Variants in AVEN observed in about 807,000 individuals in gnomAD.
AVEN encodes apoptosis and caspase activation inhibitor.
AVEN carries 41 observed loss-of-function variants against 38.1 expected under a neutral mutation model. The observed-to-expected ratio is 1.08, with a 90% CI of 0.84 to 1.40. The LOEUF is 1.40. Ranked by LOEUF, AVEN falls within the 40% of genes most tolerant of loss-of-function variation. The pLI, the probability that AVEN is intolerant of heterozygous loss-of-function variation, is 0.00. For synonymous variants in AVEN, 206 were observed against 171.8 expected, an observed-to-expected ratio of 1.20 and a Z score of -1.56; for missense variants, 605 against 438.8, an observed-to-expected ratio of 1.38 and a Z score of -3.38.
At chr15:34,031,168 A>ATTTTTTTTTTTTTTTTT (rs34414446) in intron 1 of AVEN, among the ~76,000 whole-genome samples, 4 of 67,594 alleles carry the variant, frequency 5.9e-5, no homozygotes, top group Non-Finnish European at 7.6e-5. Context: ...GCTTAGGTTA[A>ATTTTTTTTTTTTTTTTT]TTTTTTTTTT....
chr15:33,914,000 C>T (rs1408106787), intron 2 of AVEN, among the ~76,000 whole-genome samples: 1 of 152,088 alleles, frequency 6.6e-6, no homozygotes, highest in Non-Finnish European at 1.5e-5. Flanking sequence ...GCAAAAATAA[C>T]AACATTGTAA....
At chr15:33,955,436 G>A (rs910064546) in intron 2 of AVEN, among the ~76,000 whole-genome samples, 1 of 152,084 alleles carries the variant, frequency 6.6e-6, no homozygotes. Context: ...AAATCTGCAG[G>A]CATAATCCAC....
chr15:33,928,576 C>T (rs538323952), intron 2 of AVEN, among the ~76,000 whole-genome samples: 1 of 152,146 alleles, frequency 6.6e-6, no homozygotes, highest in Non-Finnish European at 1.5e-5. Flanking sequence ...CTCCAAGACG[C>T]AACTGAATGG....
At chr15:33,997,161 A>C (rs1209104091) in intron 2 of AVEN, among the ~76,000 whole-genome samples, 2 of 152,242 alleles carry the variant, frequency 1.3e-5, no homozygotes, top group Admixed American at 6.5e-5. Flanking sequence ...CTAAAGGCAT[A>C]AAACAGCATA....
rs911196051 is a variant in AVEN, at chr15:34,063,596, T to C, written n.1127-164A>G. 28 of 1,613,760 alleles carry C rather than the reference T, an allele frequency of 1.7e-5. No individual in the cohort carries two copies. Among genetic ancestry groups the C allele is most frequent in the African/African-American group, 4.0e-5 (3 of 74,926 alleles). Reference sequence around the variant, plus strand: ...CCCAAGCCACTGGCCCAAGCGCCAATTGGGCCAAAGCTGAGCAGCTCACCA... The same window carrying C: ...CCCAAGCCACTGGCCCAAGCGCCAACTGGGCCAAAGCTGAGCAGCTCACCA... On this transcript the variant is annotated intron_variant and non_coding_transcript_variant, in intron 4 of 11. Coordinates refer to the AVEN transcript ENST00000675287. The surrounding 1 kb of genome is among the most constrained non-coding windows in gnomAD (Gnocchi z 4.1).
At chr15:34,006,120 G>A (rs748396742) in intron 1 of AVEN, among the ~76,000 whole-genome samples, 1 of 152,158 alleles carries the variant, frequency 6.6e-6, no homozygotes, top group Non-Finnish European at 1.5e-5. Flanking sequence ...GACCATCCTG[G>A]CTAACATGGT....
At position 33,889,871 on chromosome 15, in the gene AVEN, C is replaced by A. The variant is rs186967991; in HGVS notation, c.446-13876G>T. 3.9e-4 allele frequency among the ~76,000 whole-genome samples: 59 copies of A among 152,214 alleles called. No homozygotes were observed. In the East Asian group the frequency reaches 9.3e-3, roughly 24 times the overall value. On this transcript the variant is annotated intron_variant, in intron 2 of 5. Coordinates refer to ENST00000306730, the MANE Select transcript of AVEN (RefSeq NM_020371.3). ...TACATTTATAGAAAATCGGGCATAC[C>A]ATTAGAGGGGAGACTCGAAGCTTGG...
At chr15:34,002,932 G>GAT in intron 2 of AVEN, 100 bp downstream of exon 2, 1 of 1,100,040 alleles carries the variant, frequency 9.1e-7, no homozygotes, top group Non-Finnish European at 1.3e-6. Flanking sequence ...AAGAACAAAG[G>GAT]ATAAATTGCT....
chr15:33,976,717 T>A (rs928179930), intron 2 of AVEN, among the ~76,000 whole-genome samples: 20 of 152,092 alleles, frequency 1.3e-4, no homozygotes, highest in East Asian at 9.7e-4. Context: ...AAAAAAAAAA[T>A]TTAACATAAA....
In AVEN at chr15:34,063,383, G is replaced by T. The variant is rs150785744; in HGVS notation, n.1176C>A. The T allele has an allele frequency of 6.2e-6, 10 of 1,614,084 alleles. No individual in the cohort carries two copies. In the East Asian group the frequency reaches 2.2e-4, roughly 36 times the overall value. On this transcript the variant is annotated non_coding_transcript_exon_variant, in exon 5 of 12. Transcript: ENST00000675287. This position sits in a 1 kb window ranked among gnomAD's most constrained non-coding sequence, Gnocchi z 4.1. ...GTCGAATCTACCGGGAAACAGAGAA[G>T]CGAACCAAGGACCTGGCTGACCTCC...
intron 1 of AVEN, among the ~76,000 whole-genome samples, chr15:34,022,449 G>A (rs1010176715): frequency 7.2e-5 from 11 of 152,114 alleles, no homozygotes; most frequent in African/African-American, 2.7e-4. Flanking sequence ...CCTACAGAAG[G>A]GAGAAAGCTT....
intron 1 of AVEN, among the ~76,000 whole-genome samples, chr15:34,036,146 C>T (rs1899114276): frequency 6.6e-6 from 1 of 151,846 alleles, no homozygotes; most frequent in South Asian, 2.1e-4. Context: ...TACAATAATG[C>T]TTCTAGTGAG....
In AVEN at chr15:33,859,824, G is replaced by A. The variant is rs182575457; in HGVS notation, n.2730-730C>T. 7.2e-5 allele frequency: 93 copies of A among 1,293,888 alleles called. 1 individual carries two copies. The highest frequency in any genetic ancestry group is 2.8e-4 in the African/African-American group (19 of 67,456). The allele number at this position is 1,293,888 out of a possible 1,614,324, so 80.2% of individuals were successfully genotyped here. On this transcript the variant is annotated intron_variant and non_coding_transcript_variant, in intron 11 of 11. Coordinates refer to the AVEN transcript ENST00000675287. The stretch of plus-strand genomic sequence containing the variant: ...TGACTTAATTGGTTTATGAAGAAGC[G>A]TGTGAATTCATTTACTTGTTAATTT...
chr15:33,911,114 A>C (rs1004228789), intron 2 of AVEN, among the ~76,000 whole-genome samples: 4 of 152,216 alleles, frequency 2.6e-5, no homozygotes, highest in Non-Finnish European at 5.9e-5. Flanking sequence ...AAAGCAGAAT[A>C]AATGTTCCTT....
intron 1 of AVEN, among the ~76,000 whole-genome samples, chr15:34,011,024 G>A (rs562782591): frequency 6.6e-5 from 10 of 151,896 alleles, no homozygotes; most frequent in African/African-American, 2.2e-4. Flanking sequence ...GACAGTTTTC[G>A]ATATTTGAAA....
At chr15:33,869,825 CTT>C (rs377321444) in intron 4 of AVEN, among the ~76,000 whole-genome samples, 6,392 of 142,050 alleles carry the variant, frequency 0.045, 177 homozygotes, top group African/African-American at 0.046. Context: ...CAAGGTTTCA[CTT>C]TTTTTTTTTT....
chr15:33,878,457 G>C (rs527414353), intron 2 of AVEN, among the ~76,000 whole-genome samples: 2 of 145,002 alleles, frequency 1.4e-5, no homozygotes, highest in South Asian at 4.2e-4. Context: ...GAGAAACTAG[G>C]CTAGTTACCA....
chr15:34,003,194 C>G lies in AVEN; in HGVS notation c.283G>C (p.Asp95His), dbSNP rs750396163. Residue 95 changes from aspartate to histidine, a missense_variant, in exon 2 of 6, where the codon GAT becomes CAT. Asp to His is a moderately conservative substitution (Grantham distance 81). Coordinates refer to ENST00000306730, the MANE Select transcript of AVEN (RefSeq NM_020371.3). ...TTCTCTTCTCCATAGGTCTCTGCAT[C>G]GCTGTCATCTTCAACCTGCAATCAT... ...GASAPVEDDS[D>H]AETYGEENDE... 6.2e-7 allele frequency: 1 copy of G among 1,613,396 alleles called. No individual in the cohort carries two copies. Among genetic ancestry groups the G allele is most frequent in the South Asian group, 1.1e-5 (1 of 91,008 alleles).
At chr15:33,990,429 T>C (rs1349694560) in intron 2 of AVEN, among the ~76,000 whole-genome samples, 1 of 151,976 alleles carries the variant, frequency 6.6e-6, no homozygotes, top group Non-Finnish European at 1.5e-5. Context: ...GATTTGATGA[T>C]GCAGCCAGTT....
Sources: gnomAD v4.1 joint callset for allele counts (sites outside exome capture counted in the v4.1 genomes callset) on GRCh38, gnomAD v4.1.1 for gene constraint, Gnocchi (gnomAD v3.1) non-coding constraint, MANE v1.5 for transcripts, NCBI Gene and HGNC (gene_info 2026-07-23, HGNC 2026-07-21) for gene names.